The following CFAP43 variants were observed in gnomAD, a reference collection of about 807,000 sequenced individuals.
CFAP43 encodes cilia- and flagella-associated protein 43.
In CFAP43, 155 loss-of-function variants were observed where a neutral mutation model predicts 218.9. The ratio of observed to expected loss-of-function variants is 0.71; its 90% CI spans 0.62 to 0.81. CFAP43 has a LOEUF of 0.81. CFAP43 is among the 30% of genes least tolerant of loss of function. The pLI is 0.00. For synonymous variants in CFAP43, 645 were observed against 681.3 expected, an observed-to-expected ratio of 0.95 and a Z score of 0.83; for missense variants, 1,778 against 1,954.3, an observed-to-expected ratio of 0.91 and a Z score of 1.70.
intron 34 of CFAP43, among the ~76,000 whole-genome samples, chr10:104,136,936 AAAGC>A (rs2087480722): frequency 1.3e-5 from 2 of 152,230 alleles, no homozygotes; most frequent in Admixed American, 1.3e-4. Flanking sequence ...CTGTAATTAA[AAAGC>A]AAGCAAGCAA....
intron 3 of CFAP43, among the ~76,000 whole-genome samples, chr10:104,219,662 T>C (rs2091123620): frequency 6.6e-6 from 1 of 152,124 alleles, no homozygotes; most frequent in African/African-American, 2.4e-5. Flanking sequence ...AACACCCTCT[T>C]TCACTCTCAA....
chr10:104,213,546 T>A (rs2090925455), intron 4 of CFAP43, among the ~76,000 whole-genome samples: 1 of 146,710 alleles, frequency 6.8e-6, no homozygotes. Context: ...ATCTGCATAT[T>A]TTTTTTTTTA....
At position 104,224,291 on chromosome 10, in the gene CFAP43, C is replaced by T. The variant is rs575742759; in HGVS notation, c.416+1170G>A. Among the ~76,000 whole-genome samples the T allele has an allele frequency of 1.2e-4, 18 of 152,016 alleles. No homozygotes were observed. The South Asian group carries it at 3.5e-3, about 30-fold the overall frequency. On this transcript the variant is annotated intron_variant, in intron 3 of 37. Coordinates refer to ENST00000357060, the MANE Select transcript of CFAP43 (RefSeq NM_025145.7). ...ATCTCCTGACCTCGTGATTTGCCCA[C>T]CTCAGCCTCCCAAAATGCTGGGATT...
chr10:104,209,387 G>A (rs1324292201), intron 5 of CFAP43, among the ~76,000 whole-genome samples: 1 of 152,018 alleles, frequency 6.6e-6, no homozygotes, highest in Admixed American at 6.6e-5. Flanking sequence ...TACACTGAGT[G>A]CACAAGTCCT....
At chr10:104,200,459 C>T (rs1380920675) in intron 8 of CFAP43, among the ~76,000 whole-genome samples, 2 of 151,850 alleles carry the variant, frequency 1.3e-5, no homozygotes, top group Non-Finnish European at 2.9e-5. Flanking sequence ...CACTTGAGGC[C>T]AGGAGTTTGA....
chr10:104,226,119 G>C (rs1189102502), intron 2 of CFAP43, among the ~76,000 whole-genome samples: 4 of 152,182 alleles, frequency 2.6e-5, no homozygotes, highest in Non-Finnish European at 5.9e-5. Flanking sequence ...GTATCATGGG[G>C]AGGCCAAAAC....
intron 17 of CFAP43, among the ~76,000 whole-genome samples, chr10:104,180,512 C>A (rs2134872411): frequency 6.9e-6 from 1 of 144,526 alleles, no homozygotes; most frequent in South Asian, 2.2e-4. Context: ...GTGGTATGAT[C>A]TTGGCTCACT....
At position 104,130,126 on chromosome 10, in the gene CFAP43, C is replaced by T; in HGVS notation, c.*13G>A. 1.3e-6 allele frequency: 2 copies of T among 1,565,184 alleles called. No homozygotes were observed. The highest frequency in any genetic ancestry group is 8.6e-7 in the Non-Finnish European group (1 of 1,160,664). ...AATGATTGATTTGGCCTTGTGTTTT[C>T]CTGCCAGCGTTTTTACATTTGAACA... On this transcript the variant is annotated 3_prime_UTR_variant, in exon 38 of 38. Transcript: ENST00000357060.
intron 23 of CFAP43, among the ~76,000 whole-genome samples, chr10:104,165,137 A>G (rs1455611511): frequency 3.3e-5 from 5 of 152,210 alleles, no homozygotes; most frequent in Admixed American, 3.3e-4. Context: ...CAGGTAGGAA[A>G]GAAACCTGTG....
Position 104,193,895 on chromosome 10 carries a change from A to G in CFAP43, c.1413T>C (p.Phe471=). The G allele has an allele frequency of 6.2e-7, 1 of 1,614,096 alleles. No individual in the cohort carries two copies. Among genetic ancestry groups the G allele is most frequent in the Middle Eastern group, 1.6e-4 (1 of 6,062 alleles). The part of the protein sequence containing the change: ...KESPQVVHKA[F]LSESSVQHVV... ...CGTGCTGCACGGACGATTCCGAGAG[A>G]AAGGCCTTGTGCACGACCTGAGGGG... Residue 471 remains phenylalanine, a synonymous_variant, in exon 11 of 38, where the codon TTT becomes TTC. Transcript: ENST00000357060.
chr10:104,200,157 C>T (rs907771005), intron 8 of CFAP43, among the ~76,000 whole-genome samples: 2 of 152,142 alleles, frequency 1.3e-5, no homozygotes, highest in South Asian at 2.1e-4. Context: ...TAATCACTTA[C>T]GTCTTTAGAT....
At chr10:104,205,790 A>T (rs1564797294) in intron 7 of CFAP43, among the ~76,000 whole-genome samples, 173 bp downstream of exon 7, 1 of 152,206 alleles carries the variant, frequency 6.6e-6, no homozygotes, top group Non-Finnish European at 1.5e-5. Flanking sequence ...TTTTGTATAG[A>T]TTTGAAGCTA....
At chr10:104,223,669 A>C (rs2091240184) in intron 3 of CFAP43, among the ~76,000 whole-genome samples, 1 of 152,166 alleles carries the variant, frequency 6.6e-6, no homozygotes, top group East Asian at 1.9e-4. Context: ...ATCTCTTCCC[A>C]GCTGCTTCCT....
At chr10:104,218,527 G>A (rs1004790425) in intron 3 of CFAP43, among the ~76,000 whole-genome samples, 22 of 151,892 alleles carry the variant, frequency 1.4e-4, no homozygotes, top group African/African-American at 4.6e-4. Context: ...TTAACTGGCC[G>A]AGGGGAGAGG....
At position 104,130,270 on chromosome 10, in the gene CFAP43, G is replaced by A. The variant is rs762601780; in HGVS notation, c.4867C>T (p.Arg1623Trp). The A allele has an allele frequency of 2.9e-5, 46 of 1,611,298 alleles. No individual in the cohort carries two copies. Among genetic ancestry groups the A allele is most frequent in the Non-Finnish European group, 3.7e-5 (44 of 1,179,422 alleles). Residue 1623 changes from arginine (R) to tryptophan (W), a missense_variant, in exon 38 of 38, where the codon CGG becomes TGG. Arg to Trp is a moderately radical substitution (Grantham distance 101). This residue lies in a region of CFAP43 where 211 missense variants were observed against 230.6 expected (regional missense o/e 0.91). Transcript: ENST00000357060. The part of the protein sequence containing the change: ...KLTCEKIVKE[R>W]YENMMQQQKL... ...TGCTGTTGCATCATGTTTTCATACC[G>A]TTCTTTGACAATCTTTTCACAAGTC...
chr10:104,223,180 C>G (rs996740001), intron 3 of CFAP43, among the ~76,000 whole-genome samples: 8 of 152,220 alleles, frequency 5.3e-5, no homozygotes, highest in African/African-American at 1.9e-4. Context: ...CACTTACTAG[C>G]CCAACCAGAC....
intron 5 of CFAP43, among the ~76,000 whole-genome samples, chr10:104,208,329 T>G (rs1236989997): frequency 6.6e-6 from 1 of 152,180 alleles, no homozygotes; most frequent in African/African-American, 2.4e-5. Context: ...CAAAACACCA[T>G]GTCTCTCATT....
chr10:104,166,449 G>A, intron 23 of CFAP43, 39 bp downstream of exon 23: 2 of 1,488,628 alleles, frequency 1.3e-6, no homozygotes, highest in South Asian at 1.2e-5. Context: ...CTAATGGGGA[G>A]TCTAGAGATT....
chr10:104,210,309 G>A (rs1485515326), intron 5 of CFAP43, among the ~76,000 whole-genome samples: 2 of 152,176 alleles, frequency 1.3e-5, no homozygotes, highest in Non-Finnish European at 2.9e-5. Flanking sequence ...CCTTTCTCTT[G>A]CTTGCCACAG....
Sources: allele counts gnomAD v4.1 joint callset (sites outside exome capture counted in the v4.1 genomes callset), GRCh38; gene constraint gnomAD v4.1.1; regional missense constraint gnomAD v4.1.1; transcripts MANE v1.5; gene names NCBI Gene and HGNC (gene_info 2026-07-23, HGNC 2026-07-21).